Variants in ADA2 observed in about 807,000 individuals in gnomAD.
The protein encoded by ADA2 is adenosine deaminase CECR1.
ADA2 carries 29 observed loss-of-function variants against 44.2 expected under a neutral mutation model. The observed-to-expected ratio is 0.66, with a 90% confidence interval of 0.49 to 0.89. The LOEUF is 0.89. ADA2 is among the 40% of genes least tolerant of loss of function. ADA2 has a pLI of 0.00. For missense variants in ADA2, 637 were observed against 644.8 expected, an observed-to-expected ratio of 0.99 and a Z score of 0.13; for synonymous variants, 215 against 234.9, an observed-to-expected ratio of 0.92 and a Z score of 0.77.
rs563395536 is a variant in ADA2 at position 17,209,216 on chromosome 22, A to G, written c.322+140T>C. Reference sequence around the variant, plus strand: ...TCAACACCCTTTTCCTAGTCTACCCATAAGGACAGAGGAGCAGAACAGCTG... The same window carrying G: ...TCAACACCCTTTTCCTAGTCTACCCGTAAGGACAGAGGAGCAGAACAGCTG... On this transcript the variant is annotated intron_variant, in intron 2 of 9. Transcript: ENST00000399837. 3.2e-5 allele frequency: 23 copies of G among 726,970 alleles called. No individual in the cohort carries two copies. In the South Asian group the frequency reaches 4.1e-4, roughly 13 times the overall value. The allele number at this position is 726,970 out of a possible 1,614,324, so 45.0% of individuals were successfully genotyped here. A position where few individuals can be genotyped will look rare whatever the true frequency, so the allele number is the denominator to read the frequency against.
intron 4 of ADA2, chr22:17,193,149 T>C: frequency 7.1e-7 from 1 of 1,416,674 alleles, no homozygotes; most frequent in Non-Finnish European, 9.7e-7. Context: ...GTCCACAACA[T>C]CAAGGAGCTG....
intron 1 of ADA2, among the ~76,000 whole-genome samples, chr22:17,218,110 A>G (rs2123738036): frequency 6.6e-6 from 1 of 152,350 alleles, no homozygotes; most frequent in Non-Finnish European, 1.5e-5. Context: ...GATAGGGGTT[A>G]TGTTGACAGA....
chr22:17,219,467 C>T (rs1423926153), upstream of ADA2: 1 of 152,242 alleles, frequency 6.6e-6, no homozygotes, highest in Non-Finnish European at 1.5e-5. Flanking sequence ...GGTTTTATTT[C>T]CCTCCAGTGT....
At chr22:17,184,983 A>ATATATATATATATATAT (rs559045610) in intron 7 of ADA2, among the ~76,000 whole-genome samples, 6 of 78,740 alleles carry the variant, frequency 7.6e-5, no homozygotes, top group African/African-American at 3.4e-4. Context: ...CCCATGTCAA[A>ATATATATATATATATAT]ATATATATAT....
At position 17,181,520 on chromosome 22, in the gene ADA2, CTCT is replaced by C; in HGVS notation, c.1496_1498del (p.Lys499del). The C allele has an allele frequency of 6.2e-7, 1 of 1,613,794 alleles. No homozygotes were observed. Among genetic ancestry groups the C allele is most frequent in the Non-Finnish European group, 8.5e-7 (1 of 1,179,678 alleles). On this transcript the variant is annotated inframe_deletion, in exon 10 of 10. Coordinates refer to ENST00000399837, the MANE Select transcript of ADA2 (RefSeq NM_001282225.2). Reference sequence around the variant, plus strand: ...CACATCTGCTATGAACTTATCCCATCTCTTCTTCCAGATTTCCATGAAAGTATT... The same window carrying C: ...CACATCTGCTATGAACTTATCCCATCTCTTCCAGATTTCCATGAAAGTATT...
chr22:17,202,429 G>A (rs761768596), intron 4 of ADA2, among the ~76,000 whole-genome samples: 9 of 151,924 alleles, frequency 5.9e-5, no homozygotes, highest in Non-Finnish European at 1.3e-4. Flanking sequence ...CCGGCCAACA[G>A]CTAATTTTTG....
At chr22:17,202,575 C>G (rs1471667219) in intron 4 of ADA2, among the ~76,000 whole-genome samples, 1 of 151,998 alleles carries the variant, frequency 6.6e-6, no homozygotes, top group Admixed American at 6.6e-5. Context: ...CCTCCCCTCT[C>G]TTTTTAACCT....
chr22:17,199,446 T>TTCCTCCCCTCCTCTATCCTCTTCCCCC, intron 4 of ADA2: 1 of 917,626 alleles, frequency 1.1e-6, no homozygotes, highest in Non-Finnish European at 1.7e-6. Flanking sequence ...CCTCTTCCCC[T>TTCCTCCCCTCCTCTATCCTCTTCCCCC]CCACCCACGA....
chr22:17,215,503 G>C (rs1017580272), intron 1 of ADA2, among the ~76,000 whole-genome samples: 4 of 152,024 alleles, frequency 2.6e-5, no homozygotes, highest in Non-Finnish European at 4.4e-5. Flanking sequence ...CTACTCAGGA[G>C]GCTGAGGCAG....
chr22:17,189,746 C>T, intron 6 of ADA2, 196 bp downstream of exon 6: 3 of 543,794 alleles, frequency 5.5e-6, no homozygotes, highest in Non-Finnish European at 1.0e-5. Context: ...TGACAGCCGT[C>T]CCCTGTAGGC....
At chr22:17,190,673 C>T (rs1050929384) in intron 5 of ADA2, among the ~76,000 whole-genome samples, 1 of 152,198 alleles carries the variant, frequency 6.6e-6, no homozygotes, top group Non-Finnish European at 1.5e-5. Context: ...TAAAGCCTTC[C>T]TGGCCTGCCC....
chr22:17,212,594 A>T (rs1601466070), intron 1 of ADA2, among the ~76,000 whole-genome samples: 1 of 152,206 alleles, frequency 6.6e-6, no homozygotes, highest in East Asian at 1.9e-4. Context: ...ATAGGAGAAA[A>T]TATTTACAAA....
At position 17,188,440 on chromosome 22, in the gene ADA2, T is replaced by C; in HGVS notation, c.980A>G (p.His327Arg). 1 of 1,610,584 alleles carries C rather than the reference T, an allele frequency of 6.2e-7. No homozygotes were observed. The highest frequency in any genetic ancestry group is 8.5e-7 in the Non-Finnish European group (1 of 1,176,900). ...ATGCAAGGAGTGGCCAGTGTCCTCA[T>C]GCCCCACCTGCAGGACAGAGAGGGA... ...TVVAGFDLVGHEDTGHSLHDY... is the reference protein window; with the variant it reads ...TVVAGFDLVGREDTGHSLHDY... The change falls in exon 7 of 10, where the codon CAT (histidine) becomes CGT (arginine). Residue 327 changes from histidine (H) to arginine (R), a missense_variant. Coordinates refer to ENST00000399837, the MANE Select transcript of ADA2 (RefSeq NM_001282225.2).
intron 5 of ADA2, among the ~76,000 whole-genome samples, chr22:17,191,267 CAG>C (rs2062111028): frequency 6.6e-6 from 1 of 152,240 alleles, no homozygotes; most frequent in Non-Finnish European, 1.5e-5. Flanking sequence ...CAGTGCCACT[CAG>C]GGTGTCTCCG....
chr22:17,181,385 A>G lies in ADA2; in HGVS notation c.*98T>C, dbSNP rs920400990. 2.4e-6 allele frequency: 2 copies of G among 844,570 alleles called. No individual in the cohort carries two copies. The highest frequency in any genetic ancestry group is 4.1e-6 in the Non-Finnish European group (2 of 486,938). 52.3% of individuals were successfully genotyped at this position (844,570 alleles called of 1,614,324 possible). On this transcript the variant is annotated 3_prime_UTR_variant, in exon 10 of 10. Coordinates refer to ENST00000399837, the MANE Select transcript of ADA2 (RefSeq NM_001282225.2). Reference sequence around the variant, plus strand: ...CACAGGGTCGCTCCATACAGAGGCCATTGATTTCATGGGCACATGGAGCTG... The same window carrying G: ...CACAGGGTCGCTCCATACAGAGGCCGTTGATTTCATGGGCACATGGAGCTG...
At chr22:17,217,795 A>C (rs2062487594) in intron 1 of ADA2, among the ~76,000 whole-genome samples, 1 of 152,180 alleles carries the variant, frequency 6.6e-6, no homozygotes, top group Non-Finnish European at 1.5e-5. Flanking sequence ...GTGACAGAGC[A>C]AGACTCTGTC....
intron 1 of ADA2, among the ~76,000 whole-genome samples, chr22:17,216,368 C>G (rs759445263): frequency 3.3e-4 from 49 of 149,288 alleles, no homozygotes; most frequent in Non-Finnish European, 6.5e-4. Context: ...CTATCTGCCC[C>G]ACTCCCAGGA....
At chr22:17,211,858 G>C (rs959589468) in intron 1 of ADA2, among the ~76,000 whole-genome samples, 1 of 151,830 alleles carries the variant, frequency 6.6e-6, no homozygotes, top group African/African-American at 2.4e-5. Context: ...AATCCGGGAG[G>C]CGGAGGTTGC....
At chr22:17,208,796 C>CTG (rs2062384184) in intron 2 of ADA2, among the ~76,000 whole-genome samples, 1 of 151,278 alleles carries the variant, frequency 6.6e-6, no homozygotes, top group Non-Finnish European at 1.5e-5. Flanking sequence ...GAGTGAGACT[C>CTG]TGTCTCAAAA....
Sources: allele counts gnomAD v4.1 joint callset (sites outside exome capture counted in the v4.1 genomes callset), GRCh38; gene constraint gnomAD v4.1.1; transcripts MANE v1.5; gene names NCBI Gene and HGNC (gene_info 2026-07-23, HGNC 2026-07-21).